The following ADORA1 variants were observed in gnomAD, a reference collection of about 807,000 sequenced individuals.
ADORA1 encodes the protein adenosine A1 receptor, also known as adenosine receptor A1.
A neutral mutation model predicts 19.9 loss-of-function variants in ADORA1; 6 were observed. The observed-to-expected ratio is 0.30, with a 90% confidence interval of 0.17 to 0.59. The LOEUF (loss-of-function observed/expected upper bound fraction) is 0.59, where lower values mean the gene tolerates loss of function less well. Among genes scored for constraint, ADORA1 ranks in the 20% least tolerant of loss-of-function variants. ADORA1 has a pLI of 0.87. For synonymous variants in ADORA1, 194 were observed against 188.4 expected, an observed-to-expected ratio of 1.03 and a Z score of -0.24; for missense variants, 302 against 439.2, an observed-to-expected ratio of 0.69 and a Z score of 2.79.
At chr1:203,145,465 C>T (rs1193712492) in intron 3 of ADORA1, among the ~76,000 whole-genome samples, 1 of 152,204 alleles carries the variant, frequency 6.6e-6, no homozygotes, top group Admixed American at 6.5e-5. Context: ...CAGGTCCGGC[C>T]GCCTGTAAGG....
intron 3 of ADORA1, among the ~76,000 whole-genome samples, chr1:203,146,963 A>C (rs1180701592): frequency 6.6e-6 from 1 of 152,192 alleles, no homozygotes; most frequent in Non-Finnish European, 1.5e-5. Context: ...AGGCATGATG[A>C]AGGGCCCAGG....
intron 3 of ADORA1, among the ~76,000 whole-genome samples, chr1:203,164,471 T>C (rs1239996472): frequency 6.6e-6 from 1 of 152,206 alleles, no homozygotes; most frequent in African/African-American, 2.4e-5. Flanking sequence ...ATCTAGCATG[T>C]AGTAGATGCT....
intron 3 of ADORA1, among the ~76,000 whole-genome samples, chr1:203,155,161 C>A (rs1023844847): frequency 6.6e-6 from 1 of 152,034 alleles, no homozygotes; most frequent in Non-Finnish European, 1.5e-5. Context: ...CCTGCCTCAG[C>A]CTCCTGAGTA....
intron 3 of ADORA1, among the ~76,000 whole-genome samples, chr1:203,159,351 T>G (rs1655291858): frequency 6.6e-6 from 1 of 152,340 alleles, no homozygotes; most frequent in South Asian, 2.1e-4. Flanking sequence ...CCCAGAACAC[T>G]TGCTGCAGCC....
intron 3 of ADORA1, among the ~76,000 whole-genome samples, chr1:203,149,316 A>T (rs1162368900): frequency 6.6e-6 from 1 of 152,206 alleles, no homozygotes; most frequent in Non-Finnish European, 1.5e-5. Context: ...GTTGTGGCAG[A>T]GCGGAGTGAT....
intron 3 of ADORA1, among the ~76,000 whole-genome samples, chr1:203,140,226 G>T (rs10920574): frequency 0.13 from 20,523 of 152,102 alleles, 2,272 homozygotes; most frequent in African/African-American, 0.28. Flanking sequence ...ATGTAGGGAG[G>T]CTAGTTAGGA....
chr1:203,161,038 T>G (rs1655349178), intron 3 of ADORA1, among the ~76,000 whole-genome samples: 1 of 152,196 alleles, frequency 6.6e-6, no homozygotes, highest in Non-Finnish European at 1.5e-5. Context: ...ATTTGCAGAC[T>G]TCATTCCCTC....
At chr1:203,133,425 C>T (rs186552890) in intron 3 of ADORA1, among the ~76,000 whole-genome samples, 1 of 152,290 alleles carries the variant, frequency 6.6e-6, no homozygotes, top group African/African-American at 2.4e-5. Context: ...TCTCTATAGA[C>T]AATTCTTTAG....
At chr1:203,136,148 A>C (rs1463862702) in intron 3 of ADORA1, among the ~76,000 whole-genome samples, 2 of 151,948 alleles carry the variant, frequency 1.3e-5, no homozygotes, top group African/African-American at 4.8e-5. Context: ...CACTCCTTTA[A>C]CCTCAGCCTT....
intron 3 of ADORA1, among the ~76,000 whole-genome samples, chr1:203,134,611 C>CT (rs994610331): frequency 3.3e-5 from 5 of 152,142 alleles, no homozygotes; most frequent in African/African-American, 1.2e-4. Context: ...GCCAGGATGC[C>CT]TTTTACCCAG....
intron 3 of ADORA1, among the ~76,000 whole-genome samples, chr1:203,160,508 A>G (rs1164792331): frequency 6.6e-6 from 1 of 152,170 alleles, no homozygotes; most frequent in African/African-American, 2.4e-5. Context: ...CAATAAAACC[A>G]TGTCTATAAA....
Position 203,128,399 on chromosome 1 carries a change from C to T in ADORA1, c.-91C>T. On this transcript the variant is annotated 5_prime_UTR_variant, in exon 2 of 4. Coordinates refer to ENST00000337894, the MANE Select transcript of ADORA1 (RefSeq NM_000674.3). The surrounding 1 kb of genome is among the most constrained non-coding windows in gnomAD (Gnocchi z 5.9). Reference sequence around the variant, plus strand: ...CTGTTCCCTGGAACTTTGGGCACTGCCTCTGGGACCCCTGCCGGCCAGCAG... The same window carrying T: ...CTGTTCCCTGGAACTTTGGGCACTGTCTCTGGGACCCCTGCCGGCCAGCAG... 7.7e-7 allele frequency: 1 copy of T among 1,291,510 alleles called. No homozygotes were observed. The allele number at this position is 1,291,510 out of a possible 1,614,324, so 80.0% of individuals were successfully genotyped here. A position where few individuals can be genotyped will look rare whatever the true frequency, so the allele number is the denominator to read the frequency against.
chr1:203,130,548 C>T (rs1341978826), intron 3 of ADORA1, among the ~76,000 whole-genome samples: 2 of 152,222 alleles, frequency 1.3e-5, no homozygotes, highest in African/African-American at 4.8e-5. Flanking sequence ...CCCATAGGCT[C>T]ATCCACTGAG....
chr1:203,149,158 G>A (rs753451113), intron 3 of ADORA1, among the ~76,000 whole-genome samples: 9 of 152,106 alleles, frequency 5.9e-5, no homozygotes, highest in Non-Finnish European at 8.8e-5. Context: ...GATTACAGGC[G>A]TGAGCTACTG....
intron 3 of ADORA1, among the ~76,000 whole-genome samples, chr1:203,147,677 AG>A (rs1229576915): frequency 6.6e-6 from 1 of 152,212 alleles, no homozygotes; most frequent in Non-Finnish European, 1.5e-5. Context: ...TGCACATTAC[AG>A]TTTGAGAAGC....
intron 3 of ADORA1, among the ~76,000 whole-genome samples, chr1:203,146,172 AG>A (rs1654852824): frequency 7.0e-6 from 1 of 143,872 alleles, no homozygotes; most frequent in Admixed American, 7.0e-5. Flanking sequence ...GGGGTGGGGG[AG>A]GGGCCTACAT....
intron 3 of ADORA1, chr1:203,152,832 G>A (rs1189333707): frequency 1.3e-5 from 2 of 152,218 alleles, no homozygotes; most frequent in Non-Finnish European, 2.9e-5. Context: ...GGGAGGGGAG[G>A]AGGTGGCTGT....
chr1:203,139,785 T>A (rs942855881), intron 3 of ADORA1, among the ~76,000 whole-genome samples: 8 of 152,200 alleles, frequency 5.3e-5, no homozygotes, highest in Non-Finnish European at 1.0e-4. Flanking sequence ...TGGCTTTGAC[T>A]GCAATTTGTG....
At chr1:203,155,115 C>T (rs1048628445) in intron 3 of ADORA1, among the ~76,000 whole-genome samples, 2 of 151,596 alleles carry the variant, frequency 1.3e-5, no homozygotes, top group African/African-American at 2.4e-5. Flanking sequence ...TGGCATGGCT[C>T]ACTGCAACCT....
Sources: gnomAD v4.1 joint callset for allele counts (sites outside exome capture counted in the v4.1 genomes callset) on GRCh38, gnomAD v4.1.1 for gene constraint, Gnocchi (gnomAD v3.1) non-coding constraint, MANE v1.5 for transcripts, NCBI Gene and HGNC (gene_info 2026-07-23, HGNC 2026-07-21) for gene names.